Variants in ZC3H12D observed in about 807,000 individuals in gnomAD.
ZC3H12D encodes the protein zinc finger CCCH-type containing 12D.
Under a neutral mutation model 24.2 loss-of-function variants are expected in ZC3H12D, and 11 were observed. The ratio of observed to expected loss-of-function variants is 0.46; its 90% CI spans 0.29 to 0.75. The LOEUF (loss-of-function observed/expected upper bound fraction) is 0.75. Among genes scored for constraint, ZC3H12D ranks in the 30% least tolerant of loss-of-function variants. The pLI is 0.11. For missense variants in ZC3H12D, 740 were observed against 767.7 expected, an observed-to-expected ratio of 0.96 and a Z score of 0.43; for synonymous variants, 333 against 341.8, an observed-to-expected ratio of 0.97 and a Z score of 0.28.
rs1776477243 is a variant in ZC3H12D, at chr6:149,484,962, G to A, written c.-220C>T. ...CTGGCGTGCGCCAAGCAGCCACTAG[G>A]AGCCACTTCATGCCAATGCTCCACT... On this transcript the variant is annotated 5_prime_UTR_variant, in exon 1 of 6. Coordinates refer to ENST00000409806, the MANE Select transcript of ZC3H12D (RefSeq NM_207360.3). 6.6e-6 allele frequency: 1 copy of A among 152,054 alleles called. No homozygotes were observed. Among genetic ancestry groups the A allele is most frequent in the South Asian group, 2.1e-4 (1 of 4,832 alleles). The allele number at this position is 152,054 out of a possible 1,614,324, so 9.4% of individuals were successfully genotyped here.
chr6:149,474,183 G>A lies in ZC3H12D; in HGVS notation c.305+56C>T, dbSNP rs1776292392. 2.1e-6 allele frequency: 3 copies of A among 1,402,802 alleles called. No individual in the cohort carries two copies. The South Asian group carries it at 5.4e-5, about 25-fold the overall frequency. 86.9% of individuals were successfully genotyped at this position (1,402,802 alleles called of 1,614,324 possible). ...CCACAAGGAAGAGGGACAGTTCTCA[G>A]GGCTCCTGCGAACAGGGGCCTCCCC... On this transcript the variant is annotated intron_variant, in intron 2 of 5. Coordinates refer to ENST00000409806, the MANE Select transcript of ZC3H12D (RefSeq NM_207360.3).
chr6:149,457,642 G>A (rs1776005082), intron 3 of ZC3H12D, among the ~76,000 whole-genome samples: 1 of 152,182 alleles, frequency 6.6e-6, no homozygotes, highest in Non-Finnish European at 1.5e-5. Context: ...GTGAGTGCGA[G>A]TTCTTGCAAA....
rs1338888421 is a variant in ZC3H12D, at chr6:149,450,921, C to A, written c.1346G>T (p.Arg449Leu). The change falls in exon 6 of 6, where the codon CGC (arginine) becomes CTC (leucine). Residue 449 changes from arginine (R) to leucine (L), a missense_variant. Arg to Leu is a moderately radical substitution (Grantham distance 102, BLOSUM62 -2). Transcript: ENST00000409806. ...RPPRSDRFPG[R>L]SVWAEPAWGD... is the part of the protein sequence containing the mutation. ...CCAGGCCGGCTCCGCCCAGACGGAG[C>A]GCCCAGGGAAGCGGTCGGAGCGGGG... 10 of 1,539,700 alleles carry A rather than the reference C, an allele frequency of 6.5e-6. No individual in the cohort carries two copies. The highest frequency in any genetic ancestry group is 3.9e-5 in the Admixed American group (2 of 50,872).
In ZC3H12D at chr6:149,456,725, G is replaced by T. The variant is rs752355334; in HGVS notation, c.621C>A (p.Asn207Lys). Residue 207 changes from asparagine (N) to lysine (K), a missense_variant, in exon 4 of 6, where the codon AAC becomes AAA. Transcript: ENST00000409806. The surrounding 1 kb of genome is among the most constrained non-coding windows in gnomAD (Gnocchi z 4.3). ...NDNYRDLQSE[N>K]PEWKWFIEQR... ...GCTCGATGAACCACTTCCACTCGGGGTTCTCGCTCTGCAGGTCCCGGTAGT... is the reference window on the plus strand; with the variant it reads ...GCTCGATGAACCACTTCCACTCGGGTTTCTCGCTCTGCAGGTCCCGGTAGT... 2 of 1,613,704 alleles carry T rather than the reference G, an allele frequency of 1.2e-6. No homozygotes were observed. Among genetic ancestry groups the T allele is most frequent in the African/African-American group, 1.3e-5 (1 of 74,944 alleles).
chr6:149,479,930 C>A (rs1282606006), intron 1 of ZC3H12D, among the ~76,000 whole-genome samples: 1 of 152,190 alleles, frequency 6.6e-6, no homozygotes, highest in Non-Finnish European at 1.5e-5. Flanking sequence ...TGGCATCCCC[C>A]AGAGGCCCAA....
intron 1 of ZC3H12D, among the ~76,000 whole-genome samples, chr6:149,475,310 C>T (rs1412105937): frequency 1.3e-5 from 2 of 152,214 alleles, no homozygotes; most frequent in Admixed American, 1.3e-4. Context: ...GGGCCAAATG[C>T]CCCCGGGCGA....
At chr6:149,451,594 C>A (rs1423783310) in intron 5 of ZC3H12D, 115 bp from the exon 6 acceptor site, 2 of 916,524 alleles carry the variant, frequency 2.2e-6, no homozygotes, top group African/African-American at 1.8e-5. Flanking sequence ...GAGATTCCTC[C>A]AAGCAGGCCC....
In ZC3H12D at chr6:149,458,017, G is replaced by A. The variant is rs545699679; in HGVS notation, c.446-1117C>T. On this transcript the variant is annotated intron_variant, in intron 3 of 5. Coordinates refer to ENST00000409806, the MANE Select transcript of ZC3H12D (RefSeq NM_207360.3). Reference sequence around the variant, plus strand: ...CCTCTCCATTCCCCTTAAGCCCTTAGGACAACCCTAGTTTTAGAACTCCGT... The same window carrying A: ...CCTCTCCATTCCCCTTAAGCCCTTAAGACAACCCTAGTTTTAGAACTCCGT... 5.9e-5 allele frequency among the ~76,000 whole-genome samples: 9 copies of A among 151,470 alleles called. No homozygotes were observed. In the East Asian group the frequency reaches 1.7e-3, roughly 29 times the overall value.
Position 149,456,637 on chromosome 6 carries a change from C to CCCGGGG in ZC3H12D, c.680+28_680+29insCCCCGG. ...CCCGGCCCCCCGCCCCGCCGCCCCC[C>CCCGGGG]AGGGTGTCAGGACCCCAGCCGGACC... On this transcript the variant is annotated intron_variant, in intron 4 of 5. Transcript: ENST00000409806. The surrounding 1 kb of genome is among the most constrained non-coding windows in gnomAD (Gnocchi z 4.3). The CCCGGGG allele has an allele frequency of 6.4e-6, 10 of 1,554,874 alleles. No homozygotes were observed. The highest frequency in any genetic ancestry group is 8.0e-6 in the Non-Finnish European group (9 of 1,130,014).
chr6:149,461,643 G>T, intron 3 of ZC3H12D, 188 bp downstream of exon 3: 2 of 447,242 alleles, frequency 4.5e-6, no homozygotes, highest in Non-Finnish European at 7.5e-6. Flanking sequence ...CAGGTGTTAC[G>T]CTAGGTGCTA....
intron 2 of ZC3H12D, among the ~76,000 whole-genome samples, chr6:149,466,522 T>C (rs981440057): frequency 3.3e-5 from 5 of 150,988 alleles, no homozygotes; most frequent in Non-Finnish European, 7.4e-5. Flanking sequence ...ATCTCTTCAA[T>C]GTAGTCAAGT....
chr6:149,453,081 T>C (rs1775926142), intron 4 of ZC3H12D, among the ~76,000 whole-genome samples: 1 of 147,320 alleles, frequency 6.8e-6, no homozygotes, highest in Non-Finnish European at 1.5e-5. Flanking sequence ...GCTCAGGAGT[T>C]CAAGACCAGC....
Position 149,452,718 on chromosome 6 carries a change from T to A in ZC3H12D, c.685A>T (p.Met229Leu). 6.2e-7 allele frequency: 1 copy of A among 1,600,550 alleles called. No homozygotes were observed. The highest frequency in any genetic ancestry group is 8.5e-7 in the Non-Finnish European group (1 of 1,174,982). Residue 229 changes from methionine to leucine, a missense_variant, in exon 5 of 6, where the codon ATG becomes TTG. Coordinates refer to ENST00000409806, the MANE Select transcript of ZC3H12D (RefSeq NM_207360.3). The surrounding 1 kb of genome is among the most constrained non-coding windows in gnomAD (Gnocchi z 4.0). The part of the protein sequence containing the change: ...LMFSFVNDRF[M>L]PPDDPLGRHG... Reference sequence around the variant, plus strand: ...CGGCCCAGGGGGTCATCAGGCGGCATGAACCTGGAAAATAAGCACAGGGGC... The same window carrying A: ...CGGCCCAGGGGGTCATCAGGCGGCAAGAACCTGGAAAATAAGCACAGGGGC...
chr6:149,480,917 A>T (rs1483077930), intron 1 of ZC3H12D, among the ~76,000 whole-genome samples: 1 of 151,418 alleles, frequency 6.6e-6, no homozygotes, highest in Non-Finnish European at 1.5e-5. Flanking sequence ...CGGGCCCAAC[A>T]CACCCTCCAG....
At chr6:149,466,233 C>A (rs879597975) in intron 2 of ZC3H12D, among the ~76,000 whole-genome samples, 1 of 151,804 alleles carries the variant, frequency 6.6e-6, no homozygotes, top group African/African-American at 2.4e-5. Context: ...GGCCCCAGAC[C>A]CCTTTTCCGG....
chr6:149,463,786 T>C (rs759998224), intron 2 of ZC3H12D, among the ~76,000 whole-genome samples: 1 of 152,000 alleles, frequency 6.6e-6, no homozygotes, highest in Non-Finnish European at 1.5e-5. Flanking sequence ...GAAGGTCAAA[T>C]CTCCAGAACT....
chr6:149,461,785 G>C (rs1284772658), intron 3 of ZC3H12D, 46 bp downstream of exon 3: 2 of 1,521,888 alleles, frequency 1.3e-6, no homozygotes, highest in Non-Finnish European at 1.8e-6. Context: ...AGTGCACCAA[G>C]GAAACGTGTC....
In ZC3H12D at chr6:149,461,953, GT is replaced by G; in HGVS notation, c.322del (p.Thr108ProfsTer77). The G allele has an allele frequency of 6.2e-7, 1 of 1,611,848 alleles. No homozygotes were observed. Among genetic ancestry groups the G allele is most frequent in the African/African-American group, 1.3e-5 (1 of 74,978 alleles). ...CAGCTTGATTCCCCGGCAAGAGAAG[GT>G]TTCTTTATTTCCATGGCTACAATGG... ...NVAMSHGNKETFSCRGIKLAV... is the reference protein window; with the variant it reads ...NVAMSHGNKEXFSCRGIKLAV... On this transcript the variant is annotated frameshift_variant, in exon 3 of 6. Coordinates refer to ENST00000409806, the MANE Select transcript of ZC3H12D (RefSeq NM_207360.3). LOFTEE classifies it high-confidence loss of function.
rs1377177462 is a variant in ZC3H12D at position 149,474,387 on chromosome 6, G to C, written c.157C>G (p.Pro53Ala). 12 of 1,608,124 alleles carry C rather than the reference G, an allele frequency of 7.5e-6. No individual in the cohort carries two copies. The highest frequency in any genetic ancestry group is 9.4e-6 in the Non-Finnish European group (11 of 1,175,642). ...CGAGGCACTAGCCTGGGTGCAGCCGGGTGCTCCAGGGCACCCGGGCGGCTG... is the reference window on the plus strand; with the variant it reads ...CGAGGCACTAGCCTGGGTGCAGCCGCGTGCTCCAGGGCACCCGGGCGGCTG... The part of the protein sequence containing the change: ...TGSRPGALEH[P>A]AAPRLVPRGS... Residue 53 changes from proline (P) to alanine (A), a missense_variant, in exon 2 of 6, where the codon CCG becomes GCG. By Grantham distance (27) the Pro-to-Ala change is conservative. Coordinates refer to ENST00000409806, the MANE Select transcript of ZC3H12D (RefSeq NM_207360.3).
Sources: allele counts gnomAD v4.1 joint callset (sites outside exome capture counted in the v4.1 genomes callset), GRCh38; gene constraint gnomAD v4.1.1; non-coding constraint Gnocchi (gnomAD v3.1); transcripts MANE v1.5; gene names NCBI Gene and HGNC (gene_info 2026-07-23, HGNC 2026-07-21).